The following WRAP53 variants were observed in gnomAD, a reference collection of about 807,000 sequenced individuals.
WRAP53 encodes the protein telomerase Cajal body protein 1.
In WRAP53, 28 loss-of-function variants were observed where a neutral mutation model predicts 56.6. The observed-to-expected ratio is 0.50, with a 90% confidence interval of 0.37 to 0.68. The LOEUF (loss-of-function observed/expected upper bound fraction) is 0.68. Ranked by LOEUF, WRAP53 falls within the 30% of genes least tolerant of loss-of-function variation. The probability of loss-of-function intolerance (pLI) is 0.00; values close to 1 mark genes in which losing one functional copy is unlikely to be tolerated. For missense variants in WRAP53, 671 were observed against 715.5 expected (o/e 0.94, Z 0.71); for synonymous variants, 283 against 283.4 (o/e 1.00, Z 0.01).
rs1597402725 is a variant in WRAP53 at position 7,688,541 on chromosome 17, C to T, written c.-22C>T. 2.4e-6 allele frequency: 3 copies of T among 1,257,592 alleles called. No homozygotes were observed. The East Asian group carries it at 7.6e-5, about 32-fold the overall frequency. The allele number at this position is 1,257,592 out of a possible 1,614,324, so 77.9% of individuals were successfully genotyped here. Reference sequence around the variant, plus strand: ...CTCCCGGGAGTCTTCTGCCTACTCCCAGAAGAGGAGGGAAGCACAGGTGGG... The same window carrying T: ...CTCCCGGGAGTCTTCTGCCTACTCCTAGAAGAGGAGGGAAGCACAGGTGGG... On this transcript the variant is annotated 5_prime_UTR_variant, in exon 1 of 11. Coordinates refer to ENST00000396463, the MANE Select transcript of WRAP53 (RefSeq NM_001143992.2).
intron 4 of WRAP53, among the ~76,000 whole-genome samples, chr17:7,699,476 T>TTA (rs1299417199): frequency 0.053 from 600 of 11,306 alleles, 25 homozygotes; most frequent in South Asian, 0.082. Context: ...ATATATATAT[T>TTA]TATATATATA....
chr17:7,690,927 AGAC>A, intron 4 of WRAP53, among the ~76,000 whole-genome samples: 1 of 151,530 alleles, frequency 6.6e-6, no homozygotes, highest in African/African-American at 2.4e-5. Flanking sequence ...ACAACAAAAC[AGAC>A]TGGGCTCAGT....
At chr17:7,699,877 G>A (rs952397643) in intron 4 of WRAP53, among the ~76,000 whole-genome samples, 2 of 151,332 alleles carry the variant, frequency 1.3e-5, no homozygotes, top group African/African-American at 4.9e-5. Flanking sequence ...TGGGACTACA[G>A]GCATGCACTA....
rs199669019 is a variant in WRAP53, at chr17:7,702,547, C to T, written c.1159C>T (p.Arg387Cys). The part of the protein sequence containing the change: ...PDGNRFFSGA[R>C]KDAELLCWDL... ...TGGCAACCGCTTCTTCTCAGGAGCC[C>T]GCAAGGTAGGGGTCACACCCTGAGA... is the stretch of plus-strand genomic sequence containing the variant. Residue 387 changes from arginine to cysteine, a missense_variant, in exon 8 of 11, where the codon CGC becomes TGC. By Grantham distance (180) the Arg-to-Cys change is radical. Around this residue, in one of 3 missense-constraint regions of WRAP53, gnomAD observed 158 missense variants for 215.7 expected, o/e 0.73. Coordinates refer to ENST00000396463, the MANE Select transcript of WRAP53 (RefSeq NM_001143992.2). This position sits in a 1 kb window ranked among gnomAD's most constrained non-coding sequence, Gnocchi z 5.0. 9.0e-5 allele frequency: 145 copies of T among 1,608,060 alleles called. No individual in the cohort carries two copies. The highest frequency in any genetic ancestry group is 1.2e-4 in the Non-Finnish European group (136 of 1,179,512).
Position 7,702,710 on chromosome 17 carries a change from G to A in WRAP53, c.1165-33G>A, listed in dbSNP as rs1232633943. On this transcript the variant is annotated intron_variant, in intron 8 of 10. Coordinates refer to ENST00000396463, the MANE Select transcript of WRAP53 (RefSeq NM_001143992.2). This position sits in a 1 kb window ranked among gnomAD's most constrained non-coding sequence, Gnocchi z 5.0. ...GGAGGCAGGGACATCCAGGGCTTTG[G>A]GGGTGACTCCAGGTCCTGTTCCTTG... The A allele has an allele frequency of 1.2e-6, 2 of 1,610,494 alleles. No homozygotes were observed. The highest frequency in any genetic ancestry group is 2.7e-5 in the African/African-American group (2 of 75,024).
chr17:7,699,500 ATT>A (rs1297885025), intron 4 of WRAP53, among the ~76,000 whole-genome samples: 5,004 of 29,072 alleles, frequency 0.17, 765 homozygotes, highest in African/African-American at 0.2. Flanking sequence ...ATATATATAT[ATT>A]TATATATATA....
intron 4 of WRAP53, among the ~76,000 whole-genome samples, chr17:7,697,186 T>C (rs1330585691): frequency 6.6e-6 from 1 of 151,524 alleles, no homozygotes; most frequent in East Asian, 1.9e-4. Context: ...CCGGGTGTGG[T>C]GGCAGGCGCC....
Position 7,701,880 on chromosome 17 carries a change from G to A in WRAP53, c.955+91G>A, listed in dbSNP as rs767511908. On this transcript the variant is annotated intron_variant, in intron 7 of 10. Transcript: ENST00000396463. The surrounding 1 kb of genome is among the most constrained non-coding windows in gnomAD (Gnocchi z 4.2). ...TGTGAGCCGGGGGCCACCTGTGGGG[G>A]TTCACGCCGTCCTCTGTACGGCCCC... is the stretch of plus-strand genomic sequence containing the variant. The A allele has an allele frequency of 2.9e-5, 45 of 1,543,550 alleles. No homozygotes were observed. Among genetic ancestry groups the A allele is most frequent in the Non-Finnish European group, 3.7e-5 (42 of 1,145,096 alleles).
upstream of WRAP53, chr17:7,687,321 C>G (rs1225965475): frequency 3.3e-5 from 13 of 398,242 alleles, no homozygotes; most frequent in African/African-American, 6.2e-5. Context: ...TGAAAATACA[C>G]GGAGCCGAGA....
chr17:7,690,109 C>T (rs1004112503), intron 4 of WRAP53, among the ~76,000 whole-genome samples: 5 of 152,146 alleles, frequency 3.3e-5, no homozygotes, highest in Non-Finnish European at 7.3e-5. Context: ...CCATCACACT[C>T]GACTAATTTT....
chr17:7,689,358 C>G, intron 3 of WRAP53, 36 bp downstream of exon 3: 5 of 1,601,240 alleles, frequency 3.1e-6, no homozygotes, highest in Admixed American at 1.7e-5. Flanking sequence ...CTGACCACCC[C>G]CGAGATTTTC....
Position 7,699,471 on chromosome 17 carries a change from TA to T in WRAP53, c.643-1269del, listed in dbSNP as rs1374404562. 2.1e-3 allele frequency among the ~76,000 whole-genome samples: 21 copies of T among 9,794 alleles called. 2 individuals are homozygous for T. Among genetic ancestry groups the T allele is most frequent in the African/African-American group, 0.018 (21 of 1,192 alleles). The allele number at this position is 9,794 out of a possible 152,430, so 6.4% of individuals were successfully genotyped here. On this transcript the variant is annotated intron_variant, in intron 4 of 10. Coordinates refer to ENST00000396463, the MANE Select transcript of WRAP53 (RefSeq NM_001143992.2). ...ATATATATATATTTATATATATATA[TA>T]TATTTATATATATATATATATATAT...
chr17:7,693,906 A>G (rs2074146619), intron 4 of WRAP53, among the ~76,000 whole-genome samples: 1 of 152,134 alleles, frequency 6.6e-6, no homozygotes, highest in African/African-American at 2.4e-5. Flanking sequence ...TGTGCATGCC[A>G]TGGTGGACTA....
At chr17:7,687,583 C>T, upstream of WRAP53, 1 of 398,772 alleles carries the variant, frequency 2.5e-6, no homozygotes, top group Non-Finnish European at 4.4e-6. Flanking sequence ...CAAAGCTGGA[C>T]AGTCGCCATG....
Position 7,702,360 on chromosome 17 carries a change from G to A in WRAP53, c.972G>A (p.Gln324=). 5 of 1,614,154 alleles carry A rather than the reference G, an allele frequency of 3.1e-6. No homozygotes were observed. The highest frequency in any genetic ancestry group is 4.2e-6 in the Non-Finnish European group (5 of 1,180,028). ...VRATFAKKQG[Q]SGIISCIAFS... is the part of the protein sequence containing the mutation. The stretch of plus-strand genomic sequence containing the variant: ...CCTCTCTAGCAAAAAAGCAGGGCCA[G>A]AGCGGCATCATCTCCTGCATAGCCT... The change falls in exon 8 of 11, where the codon CAG becomes CAA. Residue 324 remains glutamine, a synonymous_variant. Transcript: ENST00000396463. This position sits in a 1 kb window ranked among gnomAD's most constrained non-coding sequence, Gnocchi z 5.0.
At position 7,702,965 on chromosome 17, in the gene WRAP53, G is replaced by C. The variant is rs530372558; in HGVS notation, c.1269-28G>C. 1 of 1,613,326 alleles carries C rather than the reference G, an allele frequency of 6.2e-7. No homozygotes were observed. The highest frequency in any genetic ancestry group is 1.1e-5 in the South Asian group (1 of 91,078). On this transcript the variant is annotated intron_variant, in intron 9 of 10. Transcript: ENST00000396463. This position sits in a 1 kb window ranked among gnomAD's most constrained non-coding sequence, Gnocchi z 5.0. ...TTCCTGCCCCAGGGGTGAGGCCTCT[G>C]CCAGCAAATCTCTCCTCTCTCTCGC...
intron 4 of WRAP53, among the ~76,000 whole-genome samples, chr17:7,693,734 A>G: frequency 6.6e-6 from 1 of 152,142 alleles, no homozygotes; most frequent in Admixed American, 6.6e-5. Flanking sequence ...AAATAATAAA[A>G]TTAAAAAAAA....
chr17:7,700,827 C>T lies in WRAP53; in HGVS notation c.729C>T (p.Ser243=), dbSNP rs570343418. The change falls in exon 5 of 11, where the codon TCC becomes TCT. Residue 243 remains serine (S), a splice_region_variant and synonymous_variant. Transcript: ENST00000396463. ...SLMSSAQPDT[S]YVASSSRENP... ...TGTCCTCAGCCCAGCCAGACACCTC[C>T]TAGTAAGTAATGTTTGCCTCCCTGC... The T allele has an allele frequency of 6.2e-7, 1 of 1,610,296 alleles. No individual in the cohort carries two copies. The highest frequency in any genetic ancestry group is 8.5e-7 in the Non-Finnish European group (1 of 1,176,692).
upstream of WRAP53, chr17:7,688,193 C>CG (rs17551157): frequency 0.13 from 24,394 of 182,602 alleles, 2,377 homozygotes; most frequent in East Asian, 0.29. Context: ...CTGCAGGCGG[C>CG]GGGGGGGCGG....
Sources: allele counts gnomAD v4.1 joint callset (sites outside exome capture counted in the v4.1 genomes callset), GRCh38; gene constraint gnomAD v4.1.1; regional missense constraint gnomAD v4.1.1; non-coding constraint Gnocchi (gnomAD v3.1); transcripts MANE v1.5; gene names NCBI Gene and HGNC (gene_info 2026-07-23, HGNC 2026-07-21).